SLC9B2: variants seen among roughly 807,000 people sequenced by gnomAD.
The protein encoded by SLC9B2 is sodium/hydrogen exchanger 9B2.
Under a neutral mutation model 52.2 loss-of-function variants are expected in SLC9B2, and 39 were observed. The observed-to-expected ratio is 0.75, with a 90% CI of 0.58 to 0.98. The LOEUF is 0.98. SLC9B2 is among the 50% of genes least tolerant of loss of function. The pLI is 0.00. For synonymous variants in SLC9B2, 214 were observed against 227.0 expected (o/e 0.94, Z 0.51); for missense variants, 626 against 637.5 (o/e 0.98, Z 0.19).
intron 4 of SLC9B2, among the ~76,000 whole-genome samples, chr4:103,054,303 TGA>T (rs1476084195): frequency 6.6e-6 from 1 of 152,098 alleles, no homozygotes; most frequent in Non-Finnish European, 1.5e-5. Context: ...AAACAACCAA[TGA>T]GAGATTCTTA....
chr4:103,028,645 A>G lies in SLC9B2; in HGVS notation c.1392+102T>C, dbSNP rs1578437538. 1.5e-5 allele frequency: 20 copies of G among 1,357,344 alleles called. No homozygotes were observed. In the East Asian group the frequency reaches 5.3e-4, roughly 36 times the overall value. The allele number at this position is 1,357,344 out of a possible 1,614,324, so 84.1% of individuals were successfully genotyped here. A position where few individuals can be genotyped will look rare whatever the true frequency, so the allele number is the denominator to read the frequency against. On this transcript the variant is annotated intron_variant, in intron 11 of 11. Coordinates refer to ENST00000394785, the MANE Select transcript of SLC9B2 (RefSeq NM_178833.7). ...AAACTCTTTTCATAAATCCACTTCA[A>G]TTATTTATTTTCACTAAATTTAAAC...
At chr4:103,041,848 T>C (rs1269049046) in intron 9 of SLC9B2, among the ~76,000 whole-genome samples, 2 of 152,174 alleles carry the variant, frequency 1.3e-5, no homozygotes, top group Admixed American at 6.5e-5. Flanking sequence ...TGTGTGACCT[T>C]GGACATGTTA....
downstream of SLC9B2, among the ~76,000 whole-genome samples, chr4:103,021,649 T>TA (rs1215680683): frequency 3.9e-5 from 6 of 152,184 alleles, no homozygotes; most frequent in Non-Finnish European, 8.8e-5. Flanking sequence ...CATGACATGA[T>TA]AAAAAAAGTT....
intron 11 of SLC9B2, 76 bp from the exon 12 acceptor site, chr4:103,026,667 G>A (rs893444879): frequency 2.2e-6 from 3 of 1,363,486 alleles, no homozygotes; most frequent in Admixed American, 2.3e-5. Flanking sequence ...TTTATTGTTT[G>A]CAAAAGCAAA....
At chr4:103,019,793 C>T, downstream of SLC9B2, 6 of 985,562 alleles carry the variant, frequency 6.1e-6, no homozygotes, top group Non-Finnish European at 7.2e-6. Context: ...CCGGCAGAGG[C>T]GAGGGTTCTG....
intron 3 of SLC9B2, among the ~76,000 whole-genome samples, chr4:103,058,979 A>G (rs2110641649): frequency 6.6e-6 from 1 of 152,104 alleles, no homozygotes; most frequent in African/African-American, 2.4e-5. Context: ...AGGCAGGAGG[A>G]TCCCTTGAGC....
chr4:103,046,796 TC>T (rs1744180712), intron 7 of SLC9B2, among the ~76,000 whole-genome samples: 1 of 152,148 alleles, frequency 6.6e-6, no homozygotes, highest in Admixed American at 6.6e-5. Flanking sequence ...CAGAAACTGT[TC>T]TTTAAATCTT....
At chr4:103,045,028 TA>T in intron 7 of SLC9B2, 32 bp from the exon 8 acceptor site, 2 of 1,389,676 alleles carry the variant, frequency 1.4e-6, no homozygotes, top group Non-Finnish European at 2.0e-6. Flanking sequence ...CTTAGAGCTC[TA>T]AATCCAACAA....
In SLC9B2 at chr4:103,076,424, C is replaced by A. The variant is rs1365183279; in HGVS notation, c.-283G>T. On this transcript the variant is annotated 5_prime_UTR_variant, in exon 1 of 12. Coordinates refer to ENST00000394785, the MANE Select transcript of SLC9B2 (RefSeq NM_178833.7). Reference sequence around the variant, plus strand: ...GGCGACACCGCGCAGGGAGGTCCGACCCGTCGGCGCCGGTACAGGCTCCGG... The same window carrying A: ...GGCGACACCGCGCAGGGAGGTCCGAACCGTCGGCGCCGGTACAGGCTCCGG... 1 of 152,274 alleles carries A rather than the reference C, an allele frequency of 6.6e-6. No individual in the cohort carries two copies. Among genetic ancestry groups the A allele is most frequent in the Admixed American group, 6.5e-5 (1 of 15,288 alleles). The allele number at this position is 152,274 out of a possible 1,614,324, so 9.4% of individuals were successfully genotyped here.
chr4:103,019,886 T>C, downstream of SLC9B2: 10 of 986,490 alleles, frequency 1.0e-5, no homozygotes, highest in Non-Finnish European at 1.2e-5. Context: ...ACTCATCGGG[T>C]TGTAGAAATC....
chr4:103,026,828 A>G (rs187540584), intron 11 of SLC9B2, among the ~76,000 whole-genome samples: 316 of 152,282 alleles, frequency 2.1e-3, no homozygotes, highest in African/African-American at 7.1e-3. Flanking sequence ...CCTAAAACTT[A>G]AAGTATAATA....
chr4:103,066,636 A>C (rs1746155465), intron 2 of SLC9B2, 129 bp from the exon 3 acceptor site: 1 of 823,318 alleles, frequency 1.2e-6, no homozygotes, highest in African/African-American at 1.7e-5. Flanking sequence ...TGTAGAAAAA[A>C]CTCACAGCTT....
chr4:103,061,666 T>TA lies in SLC9B2; in HGVS notation c.272-3696dup, dbSNP rs75999238. On this transcript the variant is annotated intron_variant, in intron 3 of 11. Transcript: ENST00000394785. ...CTAAAACTTAAAGTATAATAATAATTAAAAAAAAAGTTCCCTGAGGTTTGG... is the reference window on the plus strand; with the variant it reads ...CTAAAACTTAAAGTATAATAATAATTAAAAAAAAAAGTTCCCTGAGGTTTGG... Among the ~76,000 whole-genome samples, 119 of 151,280 alleles carry TA rather than the reference T, an allele frequency of 7.9e-4. 5 individuals carry two copies. The East Asian group carries it at 0.022, about 28-fold the overall frequency.
chr4:103,061,214 G>A (rs985681230), intron 3 of SLC9B2, among the ~76,000 whole-genome samples: 29 of 152,274 alleles, frequency 1.9e-4, no homozygotes, highest in African/African-American at 5.5e-4. Flanking sequence ...GCACACGTAC[G>A]TTTATTGAGG....
intron 1 of SLC9B2, among the ~76,000 whole-genome samples, chr4:103,073,869 T>G (rs568158898): frequency 9.2e-5 from 14 of 152,368 alleles, no homozygotes; most frequent in Non-Finnish European, 1.8e-4. Context: ...ACTTATGGCC[T>G]GTCTAAATGC....
intron 4 of SLC9B2, among the ~76,000 whole-genome samples, chr4:103,055,455 C>T (rs994095908): frequency 6.6e-6 from 1 of 151,918 alleles, no homozygotes; most frequent in Non-Finnish European, 1.5e-5. Context: ...AAAAAGTTTC[C>T]ATGAGAAATA....
chr4:103,019,061 C>T (rs1741587284), downstream of SLC9B2, among the ~76,000 whole-genome samples: 1 of 152,102 alleles, frequency 6.6e-6, no homozygotes, highest in Non-Finnish European at 1.5e-5. Context: ...TTCCATGAAA[C>T]TGATCCCTGG....
intron 9 of SLC9B2, among the ~76,000 whole-genome samples, chr4:103,032,553 G>A (rs1415628113): frequency 6.6e-6 from 1 of 152,114 alleles, no homozygotes; most frequent in East Asian, 1.9e-4. Flanking sequence ...GATATTGCAA[G>A]CTGAAGGTGC....
chr4:103,029,814 G>C (rs1342788145), intron 10 of SLC9B2, among the ~76,000 whole-genome samples: 2 of 152,112 alleles, frequency 1.3e-5, no homozygotes, highest in Non-Finnish European at 2.9e-5. Context: ...ATTTTACTTA[G>C]TCCTTACAAC....
Sources: allele counts gnomAD v4.1 joint callset (sites outside exome capture counted in the v4.1 genomes callset), GRCh38; gene constraint gnomAD v4.1.1; transcripts MANE v1.5; gene names NCBI Gene and HGNC (gene_info 2026-07-23, HGNC 2026-07-21).